Variants in STPG2 observed in about 807,000 individuals in gnomAD.
The protein encoded by STPG2 is sperm-tail PG-rich repeat-containing protein 2.
A neutral mutation model predicts 54.2 loss-of-function variants in STPG2; 56 were observed. The ratio of observed to expected loss-of-function variants is 1.03; its 90% CI spans 0.83 to 1.29. The LOEUF is 1.29. Among genes scored for constraint, STPG2 ranks in the 50% most tolerant of loss-of-function variants. The pLI, the probability that STPG2 is intolerant of heterozygous loss-of-function variation, is 0.00. For missense variants in STPG2, 596 were observed against 544.9 expected (o/e 1.09, Z -0.93); for synonymous variants, 200 against 181.8 (o/e 1.10, Z -0.81).
At chr4:97,688,207 C>T (rs966226584) in intron 10 of STPG2, among the ~76,000 whole-genome samples, 1 of 151,668 alleles carries the variant, frequency 6.6e-6, no homozygotes, top group Admixed American at 6.6e-5. Context: ...GTAGCTTATA[C>T]ATAGGTGGAA....
intron 8 of STPG2, among the ~76,000 whole-genome samples, chr4:97,855,673 G>C (rs111802182): frequency 8.8e-4 from 134 of 152,016 alleles, no homozygotes; most frequent in Non-Finnish European, 1.6e-3. Context: ...AGTTCAATTC[G>C]ATCTCATTTG....
chr4:97,808,319 T>C (rs1226550690), intron 9 of STPG2, among the ~76,000 whole-genome samples: 2 of 151,758 alleles, frequency 1.3e-5, no homozygotes, highest in Non-Finnish European at 2.9e-5. Flanking sequence ...ATAGCAGAAA[T>C]TGAGGAAAAC....
intron 10 of STPG2, among the ~76,000 whole-genome samples, chr4:97,695,308 A>C (rs574385600): frequency 1.3e-3 from 197 of 152,322 alleles, no homozygotes; most frequent in African/African-American, 3.6e-3. Flanking sequence ...TTATGATTAA[A>C]ACCCTCAGCA....
At chr4:97,750,029 C>A (rs1412682562) in intron 9 of STPG2, among the ~76,000 whole-genome samples, 1 of 151,708 alleles carries the variant, frequency 6.6e-6, no homozygotes, top group Non-Finnish European at 1.5e-5. Context: ...CCTTCCAAAA[C>A]CATGCATATA....
Position 98,143,036 on chromosome 4 carries a change from T to C in STPG2, c.109+6A>G, listed in dbSNP as rs1236602649. ...CACAGGAGCTCTGCCTCTTCCTACATCTTACCTGTCGCCTGCTGCTTCAGG... is the reference window on the plus strand; with the variant it reads ...CACAGGAGCTCTGCCTCTTCCTACACCTTACCTGTCGCCTGCTGCTTCAGG... On this transcript the variant is annotated splice_donor_region_variant and intron_variant, in intron 1 of 10. Transcript: ENST00000295268. 1 of 1,607,730 alleles carries C rather than the reference T, an allele frequency of 6.2e-7. No individual in the cohort carries two copies. The highest frequency in any genetic ancestry group is 8.5e-7 in the Non-Finnish European group (1 of 1,176,242).
At chr4:97,689,995 C>T (rs1446280883) in intron 10 of STPG2, among the ~76,000 whole-genome samples, 1 of 152,090 alleles carries the variant, frequency 6.6e-6, no homozygotes, top group Non-Finnish European at 1.5e-5. Context: ...CTAAACTCCT[C>T]ATTAATATTT....
intron 5 of STPG2, among the ~76,000 whole-genome samples, chr4:98,102,068 T>A (rs1043832715): frequency 2.0e-5 from 3 of 152,216 alleles, no homozygotes; most frequent in African/African-American, 7.2e-5. Flanking sequence ...GGGATCTTTT[T>A]CTTCCACCTG....
intron 8 of STPG2, among the ~76,000 whole-genome samples, chr4:97,874,067 T>C (rs999048622): frequency 7.9e-5 from 12 of 151,576 alleles, no homozygotes; most frequent in Non-Finnish European, 1.5e-4. Flanking sequence ...ATATAGCCTC[T>C]TTTGCAGTGA....
intron 5 of STPG2, among the ~76,000 whole-genome samples, chr4:97,984,446 G>C (rs1478031705): frequency 2.0e-5 from 3 of 151,968 alleles, no homozygotes; most frequent in Non-Finnish European, 4.4e-5. Flanking sequence ...CACCCGCCCT[G>C]TTTCCAATTC....
At chr4:97,832,106 T>C (rs1426688977) in intron 9 of STPG2, among the ~76,000 whole-genome samples, 1 of 152,166 alleles carries the variant, frequency 6.6e-6, no homozygotes, top group Non-Finnish European at 1.5e-5. Flanking sequence ...TAAACATTGA[T>C]GCAAAAATCC....
At chr4:97,441,678 C>G (rs1286639923) in intron 4 of STPG2, 1 of 151,564 alleles carries the variant, frequency 6.6e-6, no homozygotes, top group Non-Finnish European at 1.5e-5. Flanking sequence ...CTCTTTTTTT[C>G]TAACCAAATT....
chr4:97,681,035 A>T (rs1336668392), intron 10 of STPG2, among the ~76,000 whole-genome samples: 1 of 151,954 alleles, frequency 6.6e-6, no homozygotes, highest in African/African-American at 2.4e-5. Context: ...TCCGGCACAT[A>T]TTTGTATTAC....
chr4:97,654,312 T>C (rs1722160554), intron 10 of STPG2, among the ~76,000 whole-genome samples: 1 of 152,162 alleles, frequency 6.6e-6, no homozygotes, highest in South Asian at 2.1e-4. Flanking sequence ...ATATTTGGAC[T>C]TTGCATATTA....
At chr4:97,695,678 T>C (rs1723545561) in intron 10 of STPG2, among the ~76,000 whole-genome samples, 1 of 151,226 alleles carries the variant, frequency 6.6e-6, no homozygotes, top group South Asian at 2.1e-4. Context: ...TGTACACAAA[T>C]CAGTAGTCTG....
At chr4:97,861,720 T>C (rs1029686297) in intron 8 of STPG2, among the ~76,000 whole-genome samples, 4 of 152,186 alleles carry the variant, frequency 2.6e-5, no homozygotes, top group East Asian at 3.9e-4. Flanking sequence ...TAACAGCTGC[T>C]CTCTCGGCAG....
intron 8 of STPG2, among the ~76,000 whole-genome samples, chr4:97,858,561 A>G (rs996241369): frequency 3.3e-5 from 5 of 151,964 alleles, no homozygotes; most frequent in Non-Finnish European, 2.9e-5. Flanking sequence ...CTCTCCTACC[A>G]TCTCTCCAAG....
intron 8 of STPG2, among the ~76,000 whole-genome samples, chr4:97,920,666 T>C (rs867390172): frequency 2.7e-5 from 4 of 149,984 alleles, no homozygotes; most frequent in Non-Finnish European, 5.9e-5. Context: ...TTCCAACAAA[T>C]AAAGAACCCT....
At chr4:97,636,969 G>A (rs894614836) in intron 10 of STPG2, among the ~76,000 whole-genome samples, 8 of 152,176 alleles carry the variant, frequency 5.3e-5, no homozygotes, top group Admixed American at 1.3e-4. Flanking sequence ...AGAAAAAGAG[G>A]GAATCCTCCC....
At chr4:97,755,132 G>A (rs888451429) in intron 9 of STPG2, among the ~76,000 whole-genome samples, 2 of 152,088 alleles carry the variant, frequency 1.3e-5, no homozygotes, top group Non-Finnish European at 2.9e-5. Context: ...ATACTTTCTC[G>A]CATTTATCGG....
Sources: gnomAD v4.1 joint callset for allele counts (sites outside exome capture counted in the v4.1 genomes callset) on GRCh38, gnomAD v4.1.1 for gene constraint, MANE v1.5 for transcripts, NCBI Gene and HGNC (gene_info 2026-07-23, HGNC 2026-07-21) for gene names.